The following VPS53 variants were observed in gnomAD, a reference collection of about 807,000 sequenced individuals.
VPS53 encodes the protein vacuolar protein sorting-associated protein 53 homolog.
A neutral mutation model predicts 107.0 loss-of-function variants in VPS53; 70 were observed. The ratio of observed to expected loss-of-function variants is 0.65; its 90% CI spans 0.54 to 0.80. The LOEUF is 0.80. Among genes scored for constraint, VPS53 ranks in the 30% least tolerant of loss-of-function variants. VPS53 has a pLI of 0.00. For synonymous variants in VPS53, 409 were observed against 393.3 expected (o/e 1.04, Z -0.47); for missense variants, 917 against 1,049.4 (o/e 0.87, Z 1.74).
intron 4 of VPS53, among the ~76,000 whole-genome samples, chr17:693,463 T>G (rs770929938): frequency 6.6e-6 from 1 of 152,192 alleles, no homozygotes; most frequent in Admixed American, 6.5e-5. Flanking sequence ...GTCTCATGCC[T>G]ATAATCTCAG....
rs552633493 is a variant in VPS53, at chr17:510,751, T to C, written c.*8377A>G. 390 of 152,942 alleles carry C rather than the reference T, an allele frequency of 2.5e-3. 1 individual carries two copies. Among genetic ancestry groups the C allele is most frequent in the South Asian group, 6.6e-3 (32 of 4,866 alleles). 9.5% of individuals were successfully genotyped at this position (152,942 alleles called of 1,614,324 possible). On this transcript the variant is annotated 3_prime_UTR_variant, in exon 22 of 22. Transcript: ENST00000437048. ...CCCTCTCATGACCTAAGATACCACATGCAGGCCACACAGCAGCTGGACTGT... is the reference window on the plus strand; with the variant it reads ...CCCTCTCATGACCTAAGATACCACACGCAGGCCACACAGCAGCTGGACTGT...
chr17:529,398 T>TCACACACACA (rs3084065), intron 19 of VPS53, among the ~76,000 whole-genome samples: 9 of 150,304 alleles, frequency 6.0e-5, no homozygotes, highest in Admixed American at 3.3e-4. Context: ...ACACACACAC[T>TCACACACACA]CACACACACA....
intron 4 of VPS53, among the ~76,000 whole-genome samples, chr17:666,475 C>A (rs1347009738): frequency 3.9e-5 from 6 of 152,128 alleles, no homozygotes; most frequent in Non-Finnish European, 8.8e-5. Context: ...ACCAGCCTGA[C>A]CAATATGATG....
intron 1 of VPS53, among the ~76,000 whole-genome samples, chr17:711,800 G>A (rs1419368773): frequency 6.6e-6 from 1 of 151,124 alleles, no homozygotes. Flanking sequence ...AGATGCATAC[G>A]TGGTACTTCA....
chr17:620,439 T>G (rs1038308204), intron 11 of VPS53, among the ~76,000 whole-genome samples: 1 of 152,190 alleles, frequency 6.6e-6, no homozygotes, highest in African/African-American at 2.4e-5. Context: ...GTTGAACAAG[T>G]GAGTGGGACT....
intron 7 of VPS53, among the ~76,000 whole-genome samples, chr17:653,043 T>A (rs1160092357): frequency 1.3e-5 from 2 of 152,246 alleles, no homozygotes; most frequent in Non-Finnish European, 2.9e-5. Flanking sequence ...ACAGTTTACC[T>A]TTTGGAAAGT....
chr17:697,568 T>C (rs778620576), intron 3 of VPS53, 84 bp from the exon 4 acceptor site: 27 of 1,137,258 alleles, frequency 2.4e-5, no homozygotes, highest in Admixed American at 3.7e-5. Context: ...AAGTAATTTA[T>C]TCATCAACTT....
At chr17:581,613 C>T (rs963653000) in intron 13 of VPS53, among the ~76,000 whole-genome samples, 3 of 151,116 alleles carry the variant, frequency 2.0e-5, no homozygotes, top group Admixed American at 1.3e-4. Context: ...GAACCTAATG[C>T]GTTCCCAGAG....
Position 653,644 on chromosome 17 carries a change from A to G in VPS53, c.489-234T>C, listed in dbSNP as rs379998. 0.35 allele frequency among the ~76,000 whole-genome samples: 52,890 copies of G among 152,110 alleles called. 11,024 individuals are homozygous for G. Among genetic ancestry groups the G allele is most frequent in the Non-Finnish European group, 0.47 (31,798 of 67,964 alleles). On this transcript the variant is annotated intron_variant, in intron 6 of 21. Coordinates refer to ENST00000437048, the MANE Select transcript of VPS53 (RefSeq NM_001128159.3). ...AGAGTCAAGTACACATCTAACTAGT[A>G]TCAAAAAGGATGAACTATGTTCTAA...
intron 12 of VPS53, among the ~76,000 whole-genome samples, chr17:598,242 C>T (rs1331012298): frequency 2.0e-5 from 3 of 152,208 alleles, no homozygotes; most frequent in Non-Finnish European, 2.9e-5. Context: ...GGATTGCAGA[C>T]GGAGTCTCGT....
intron 4 of VPS53, among the ~76,000 whole-genome samples, chr17:672,821 G>T (rs1348226535): frequency 6.6e-6 from 1 of 152,078 alleles, no homozygotes; most frequent in African/African-American, 2.4e-5. Flanking sequence ...GATGAATAAA[G>T]AATGGCAGCG....
At chr17:543,562 C>T (rs1337676318) in intron 17 of VPS53, among the ~76,000 whole-genome samples, 3 of 151,714 alleles carry the variant, frequency 2.0e-5, no homozygotes, top group Non-Finnish European at 4.4e-5. Flanking sequence ...ATGAGACCAA[C>T]AGCCCCTGCT....
rs182776646 is a variant in VPS53 at position 656,125 on chromosome 17, T to G, written c.373-172A>C. Among the ~76,000 whole-genome samples, 203 of 152,312 alleles carry G rather than the reference T, an allele frequency of 1.3e-3. 1 individual carries two copies. The highest frequency in any genetic ancestry group is 2.2e-3 in the Non-Finnish European group (147 of 68,032). On this transcript the variant is annotated intron_variant, in intron 5 of 21. Transcript: ENST00000437048. ...TAATTTCCAACCAGGCATTTAAAAT[T>G]TAATGTGGCATCTCTTTGGACTTTA...
intron 12 of VPS53, chr17:600,188 T>G (rs1304560590): frequency 1.3e-5 from 2 of 152,232 alleles, no homozygotes; most frequent in African/African-American, 2.4e-5. Context: ...CTTAATCCAA[T>G]TTAATAACAT....
At chr17:624,648 C>T (rs1969613206) in intron 10 of VPS53, among the ~76,000 whole-genome samples, 1 of 152,210 alleles carries the variant, frequency 6.6e-6, no homozygotes, top group Non-Finnish European at 1.5e-5. Context: ...GCCGAGACAA[C>T]AATGGCAGGT....
In VPS53 at chr17:646,348, C is replaced by T. The variant is rs371661543; in HGVS notation, c.608+6943G>A. 1.3e-4 allele frequency among the ~76,000 whole-genome samples: 17 copies of T among 130,254 alleles called. 4 individuals carry two copies. In the East Asian group the frequency reaches 2.1e-3, roughly 16 times the overall value. The allele number at this position is 130,254 out of a possible 152,430, so 85.5% of individuals were successfully genotyped here. A position where few individuals can be genotyped will look rare whatever the true frequency, so the allele number is the denominator to read the frequency against. ...GTCTTATTTTTTCTAATCCATACTA[C>T]GGACTGGAGATCGGCTCCCACACAC... is the stretch of plus-strand genomic sequence containing the variant. On this transcript the variant is annotated intron_variant, in intron 7 of 21. Coordinates refer to ENST00000437048, the MANE Select transcript of VPS53 (RefSeq NM_001128159.3).
intron 4 of VPS53, chr17:674,372 T>C (rs890502892): frequency 6.6e-6 from 1 of 152,250 alleles, no homozygotes; most frequent in African/African-American, 2.4e-5. Flanking sequence ...CTCTCATCTA[T>C]ATCGTAAGTC....
chr17:706,411 T>A (rs1973400545), intron 2 of VPS53, among the ~76,000 whole-genome samples: 1 of 151,506 alleles, frequency 6.6e-6, no homozygotes, highest in Non-Finnish European at 1.5e-5. Flanking sequence ...GTGGCGCGTG[T>A]CTGTAAACTC....
At chr17:589,319 C>T (rs912953076) in intron 12 of VPS53, among the ~76,000 whole-genome samples, 1 of 151,510 alleles carries the variant, frequency 6.6e-6, no homozygotes, top group Non-Finnish European at 1.5e-5. Context: ...TTTAAAATGG[C>T]TACATTATGA....
Sources: allele counts gnomAD v4.1 joint callset (sites outside exome capture counted in the v4.1 genomes callset), GRCh38; gene constraint gnomAD v4.1.1; transcripts MANE v1.5; gene names NCBI Gene and HGNC (gene_info 2026-07-23, HGNC 2026-07-21).